SPOCK3: variants seen among roughly 807,000 people sequenced by gnomAD.
The protein encoded by SPOCK3 is testican-3.
SPOCK3 carries 30 observed loss-of-function variants against 56.6 expected under a neutral mutation model. The observed-to-expected ratio is 0.53, with a 90% CI of 0.40 to 0.72. SPOCK3 has a LOEUF of 0.72. SPOCK3 is among the 30% of genes least tolerant of loss of function. The pLI, the probability that SPOCK3 is intolerant of heterozygous loss-of-function variation, is 0.00. For missense variants in SPOCK3, 527 were observed against 530.0 expected, an observed-to-expected ratio of 0.99 and a Z score of 0.06; for synonymous variants, 196 against 183.3, an observed-to-expected ratio of 1.07 and a Z score of -0.56.
intron 3 of SPOCK3, among the ~76,000 whole-genome samples, chr4:167,016,901 C>T (rs1042835933): frequency 2.0e-5 from 3 of 152,052 alleles, no homozygotes; most frequent in Admixed American, 6.6e-5. Context: ...TCTAACTACA[C>T]CATTGCTGTC....
chr4:167,180,418 A>T (rs1731354044), intron 2 of SPOCK3, among the ~76,000 whole-genome samples: 1 of 152,198 alleles, frequency 6.6e-6, no homozygotes, highest in African/African-American at 2.4e-5. Context: ...CCATGTGAGC[A>T]GCAGCCTGAG....
At chr4:166,898,730 A>G in intron 5 of SPOCK3, among the ~76,000 whole-genome samples, 1 of 152,270 alleles carries the variant, frequency 6.6e-6, no homozygotes. Context: ...TGTGTAAAGA[A>G]GTTTTCTTGT....
At chr4:166,924,178 A>G (rs188887531) in intron 4 of SPOCK3, among the ~76,000 whole-genome samples, 1 of 152,228 alleles carries the variant, frequency 6.6e-6, no homozygotes, top group African/African-American at 2.4e-5. Context: ...TTTTTTCCTC[A>G]ATGTTATTTT....
At chr4:166,740,665 A>G (rs1483896483) in intron 9 of SPOCK3, among the ~76,000 whole-genome samples, 1 of 152,016 alleles carries the variant, frequency 6.6e-6, no homozygotes, top group Non-Finnish European at 1.5e-5. Flanking sequence ...AGCTGTGATT[A>G]CAGGCACACA....
intron 7 of SPOCK3, among the ~76,000 whole-genome samples, chr4:166,781,509 T>C (rs146787332): frequency 6.6e-6 from 1 of 152,062 alleles, no homozygotes; most frequent in African/African-American, 2.4e-5. Context: ...CAGAACTTAA[T>C]AGAGCTGTGG....
intron 6 of SPOCK3, among the ~76,000 whole-genome samples, chr4:166,883,879 T>C (rs1484110751): frequency 2.6e-5 from 4 of 152,116 alleles, no homozygotes; most frequent in Non-Finnish European, 5.9e-5. Context: ...CGCTAAAACA[T>C]AAAGGAATGG....
intron 7 of SPOCK3, among the ~76,000 whole-genome samples, chr4:166,781,569 A>C (rs567142673): frequency 6.6e-6 from 1 of 152,214 alleles, no homozygotes; most frequent in East Asian, 1.9e-4. Context: ...CAGAAGAAGA[A>C]GAAAGAGAAA....
At chr4:167,069,605 A>T (rs1756483577) in intron 2 of SPOCK3, among the ~76,000 whole-genome samples, 1 of 151,936 alleles carries the variant, frequency 6.6e-6, no homozygotes, top group Non-Finnish European at 1.5e-5. Context: ...GATGAAATAA[A>T]ATATACAAGA....
At position 167,188,911 on chromosome 4, in the gene SPOCK3, T is replaced by C. The variant is rs568521820; in HGVS notation, c.189+45074A>G. ...AGTTCAGACAAGAAAAGAGGTAACC[T>C]GAATAGCCCTAGATATATTAAAGAA... On this transcript the variant is annotated intron_variant, in intron 2 of 10. Transcript: ENST00000357545. Among the ~76,000 whole-genome samples the C allele has an allele frequency of 1.4e-5, 2 of 146,512 alleles. 1 individual carries two copies. The highest frequency in any genetic ancestry group is 4.1e-4 in the East Asian group (2 of 4,864).
chr4:166,812,491 T>C (rs779450481), intron 6 of SPOCK3, among the ~76,000 whole-genome samples: 3 of 151,928 alleles, frequency 2.0e-5, no homozygotes, highest in Non-Finnish European at 4.4e-5. Context: ...AAGGGAAGTA[T>C]GCAGGTGATA....
intron 4 of SPOCK3, among the ~76,000 whole-genome samples, chr4:166,994,521 C>T (rs1748152475): frequency 1.3e-5 from 2 of 152,096 alleles, no homozygotes; most frequent in African/African-American, 2.4e-5. Context: ...GAGAAAACTA[C>T]AGAGGAGGCT....
chr4:167,219,893 C>T (rs549083496), intron 2 of SPOCK3, among the ~76,000 whole-genome samples: 1 of 152,078 alleles, frequency 6.6e-6, no homozygotes, highest in African/African-American at 2.4e-5. Flanking sequence ...TTCATAATAT[C>T]TTAAATGAAA....
intron 3 of SPOCK3, among the ~76,000 whole-genome samples, chr4:167,028,560 G>A (rs1028002915): frequency 4.6e-5 from 7 of 151,940 alleles, no homozygotes; most frequent in Admixed American, 6.6e-5. Context: ...CTTGCTATTC[G>A]TGTCTATCAT....
At chr4:167,018,530 G>A (rs895812974) in intron 3 of SPOCK3, among the ~76,000 whole-genome samples, 1 of 152,052 alleles carries the variant, frequency 6.6e-6, no homozygotes, top group African/African-American at 2.4e-5. Context: ...GGTCCTGCTG[G>A]CATCTGTGCA....
At chr4:166,974,962 T>C (rs919766835) in intron 4 of SPOCK3, among the ~76,000 whole-genome samples, 23 of 152,312 alleles carry the variant, frequency 1.5e-4, no homozygotes, top group Non-Finnish European at 2.4e-4. Context: ...AATTCTCTCA[T>C]AGATTAATCA....
intron 2 of SPOCK3, among the ~76,000 whole-genome samples, chr4:167,094,884 C>T (rs1759016791): frequency 6.6e-6 from 1 of 151,948 alleles, no homozygotes; most frequent in South Asian, 2.1e-4. Context: ...GGAATTGGCT[C>T]ACGTGATTAT....
intron 3 of SPOCK3, among the ~76,000 whole-genome samples, chr4:167,053,676 C>T (rs1341776686): frequency 6.6e-6 from 1 of 151,808 alleles, no homozygotes; most frequent in Non-Finnish European, 1.5e-5. Context: ...CAGAGTGAGA[C>T]TCCATCTCAA....
intron 7 of SPOCK3, among the ~76,000 whole-genome samples, chr4:166,762,416 A>G (rs1737364472): frequency 6.6e-6 from 1 of 152,138 alleles, no homozygotes; most frequent in South Asian, 2.1e-4. Flanking sequence ...GGGTCTGCAT[A>G]GAGAAACGGC....
At chr4:167,186,262 T>A (rs10013203) in intron 2 of SPOCK3, among the ~76,000 whole-genome samples, 18,644 of 152,028 alleles carry the variant, frequency 0.12, 1,360 homozygotes, top group East Asian at 0.2. Context: ...TCTAAAAAAA[T>A]TATTTTACAT....
Sources: allele counts gnomAD v4.1 joint callset (sites outside exome capture counted in the v4.1 genomes callset), GRCh38; gene constraint gnomAD v4.1.1; transcripts MANE v1.5; gene names NCBI Gene and HGNC (gene_info 2026-07-23, HGNC 2026-07-21).